ACTR3B: variants seen among roughly 807,000 people sequenced by gnomAD.
The protein encoded by ACTR3B is actin-related protein 3B.
A neutral mutation model predicts 59.0 loss-of-function variants in ACTR3B; 8 were observed. The ratio of observed to expected loss-of-function variants is 0.14; its 90% CI spans 0.08 to 0.24. The LOEUF is 0.24. Among genes scored for constraint, ACTR3B ranks in the 10% least tolerant of loss-of-function variants. The pLI is 1.00. For synonymous variants in ACTR3B, 148 were observed against 197.9 expected (o/e 0.75, Z 2.12); for missense variants, 245 against 552.3 (o/e 0.44, Z 5.58).
At chr7:152,788,667 T>C (rs3107841) in intron 2 of ACTR3B, among the ~76,000 whole-genome samples, 11,854 of 91,120 alleles carry the variant, frequency 0.13, no homozygotes, top group Middle Eastern at 0.33. Context: ...CACCTCAGCT[T>C]CCCAGCGTGC....
intron 9 of ACTR3B, among the ~76,000 whole-genome samples, chr7:152,842,592 T>G (rs971064804): frequency 2.0e-5 from 3 of 152,222 alleles, no homozygotes; most frequent in African/African-American, 7.2e-5. Context: ...CTTCCTTCAC[T>G]CGGTGCTTTT....
At chr7:152,817,647 C>T (rs1795811093) in intron 6 of ACTR3B, among the ~76,000 whole-genome samples, 2 of 152,128 alleles carry the variant, frequency 1.3e-5, no homozygotes, top group Admixed American at 6.5e-5. Context: ...GTCTCCTCCT[C>T]AGGAACCACC....
chr7:152,829,546 A>G (rs540102310), intron 9 of ACTR3B, among the ~76,000 whole-genome samples: 1,704 of 152,280 alleles, frequency 0.011, 15 homozygotes, highest in Non-Finnish European at 0.015. Context: ...CCGCCTCCAG[A>G]AATGACAGGG....
At chr7:152,767,495 C>G (rs1347530454) in intron 1 of ACTR3B, among the ~76,000 whole-genome samples, 1 of 152,140 alleles carries the variant, frequency 6.6e-6, no homozygotes, top group Non-Finnish European at 1.5e-5. Flanking sequence ...TCCAAGTGAT[C>G]TTTGTAATCA....
intron 9 of ACTR3B, among the ~76,000 whole-genome samples, chr7:152,825,957 C>T (rs1257208517): frequency 2.0e-5 from 3 of 152,202 alleles, no homozygotes; most frequent in African/African-American, 7.2e-5. Flanking sequence ...ATCCTACTGA[C>T]AGCCCGAGAT....
chr7:152,800,668 C>T lies in ACTR3B; in HGVS notation c.225+13C>T, dbSNP rs570791028. On this transcript the variant is annotated intron_variant, in intron 3 of 11. Coordinates refer to ENST00000256001, the MANE Select transcript of ACTR3B (RefSeq NM_020445.6). ...ATATGCTACAAAGGTAAATTTCCGA[C>T]AGGTGTTTGCTTCTCTAAGTGTAGA... 1 of 1,612,348 alleles carries T rather than the reference C, an allele frequency of 6.2e-7. No homozygotes were observed. The highest frequency in any genetic ancestry group is 1.3e-5 in the African/African-American group (1 of 74,960).
chr7:152,845,795 C>T (rs528367483), intron 9 of ACTR3B, among the ~76,000 whole-genome samples: 6 of 152,214 alleles, frequency 3.9e-5, no homozygotes, highest in Non-Finnish European at 5.9e-5. Context: ...CCTTAGCCCC[C>T]GCTGAGAGCT....
rs573617162 is a variant in ACTR3B at position 152,816,940 on chromosome 7, G to C, written c.540+352G>C. On this transcript the variant is annotated intron_variant, in intron 6 of 11. Coordinates refer to ENST00000256001, the MANE Select transcript of ACTR3B (RefSeq NM_020445.6). ...TAACATCAACAAGAACATTTTCTGGGGTTATTCCGACATGTTGGGAGATAG... is the reference window on the plus strand; with the variant it reads ...TAACATCAACAAGAACATTTTCTGGCGTTATTCCGACATGTTGGGAGATAG... The C allele has an allele frequency of 1.7e-5, 5 of 292,710 alleles. 1 individual carries two copies. The highest frequency in any genetic ancestry group is 1.1e-4 in the African/African-American group (5 of 44,474). 18.1% of individuals were successfully genotyped at this position (292,710 alleles called of 1,614,324 possible). A position where few individuals can be genotyped will look rare whatever the true frequency, so the allele number is the denominator to read the frequency against.
At position 152,828,643 on chromosome 7, in the gene ACTR3B, C is replaced by T. The variant is rs184655158; in HGVS notation, c.951+3521C>T. Among the ~76,000 whole-genome samples the T allele has an allele frequency of 1.3e-3, 201 of 152,332 alleles. 1 individual carries two copies. The Middle Eastern group carries it at 0.017, about 13-fold the overall frequency. ...GAGCACGCAGTCACCTTTCTCTGGACGGCCGCTCATTCCTGTGTCTTAGGG... is the reference window on the plus strand; with the variant it reads ...GAGCACGCAGTCACCTTTCTCTGGATGGCCGCTCATTCCTGTGTCTTAGGG... On this transcript the variant is annotated intron_variant, in intron 9 of 11. Coordinates refer to ENST00000256001, the MANE Select transcript of ACTR3B (RefSeq NM_020445.6).
At chr7:152,820,209 G>C (rs577791516) in intron 6 of ACTR3B, 90 bp from the exon 7 acceptor site, 17 of 1,563,470 alleles carry the variant, frequency 1.1e-5, no homozygotes, top group Admixed American at 3.5e-5. Context: ...GGGGCAGACA[G>C]GGAGGCTGAG....
intron 9 of ACTR3B, among the ~76,000 whole-genome samples, chr7:152,841,998 A>G (rs570227928): frequency 3.9e-5 from 6 of 152,370 alleles, no homozygotes. Flanking sequence ...GTTAAGGTAC[A>G]GAAGGGAACC....
Position 152,817,468 on chromosome 7 carries a change from A to G in ACTR3B, c.540+880A>G, listed in dbSNP as rs558298824. ...CTGCAATGCCGCTTTTTGGTTTCAG[A>G]GAAGTGATTCCTAATTTGGGTTTCA... On this transcript the variant is annotated intron_variant, in intron 6 of 11. Coordinates refer to ENST00000256001, the MANE Select transcript of ACTR3B (RefSeq NM_020445.6). Among the ~76,000 whole-genome samples, 203 of 152,240 alleles carry G rather than the reference A, an allele frequency of 1.3e-3. 1 individual carries two copies. The highest frequency in any genetic ancestry group is 4.6e-3 in the African/African-American group (192 of 41,554).
At chr7:152,771,164 A>G (rs997077403) in intron 1 of ACTR3B, among the ~76,000 whole-genome samples, 1 of 151,998 alleles carries the variant, frequency 6.6e-6, no homozygotes, top group Non-Finnish European at 1.5e-5. Context: ...GGGTTTCACC[A>G]TGTTGGCCAG....
At chr7:152,846,901 G>A (rs1199034268) in intron 9 of ACTR3B, among the ~76,000 whole-genome samples, 1 of 148,758 alleles carries the variant, frequency 6.7e-6, no homozygotes, top group African/African-American at 2.5e-5. Flanking sequence ...CGCCCGGGCT[G>A]TAGTCTGCAG....
intron 1 of ACTR3B, among the ~76,000 whole-genome samples, chr7:152,761,700 G>A (rs915361538): frequency 6.6e-6 from 1 of 152,152 alleles, no homozygotes; most frequent in African/African-American, 2.4e-5. Context: ...CATATCGAGT[G>A]TATGGCCAGA....
chr7:152,842,796 C>T (rs558455466), intron 9 of ACTR3B, among the ~76,000 whole-genome samples: 1 of 152,266 alleles, frequency 6.6e-6, no homozygotes, highest in South Asian at 2.1e-4. Flanking sequence ...GGGAAGTACC[C>T]AGGAGTGCAG....
At chr7:152,773,138 T>G (rs938416143) in intron 1 of ACTR3B, among the ~76,000 whole-genome samples, 1 of 121,282 alleles carries the variant, frequency 8.2e-6, no homozygotes, top group African/African-American at 3.0e-5. Flanking sequence ...CAAGGAATAG[T>G]ACAAAAGTTA....
intron 1 of ACTR3B, among the ~76,000 whole-genome samples, chr7:152,782,538 C>T (rs1355358750): frequency 2.0e-5 from 3 of 151,956 alleles, no homozygotes; most frequent in African/African-American, 4.8e-5. Context: ...AGAAAATGGG[C>T]TCCTTCTGAA....
chr7:152,760,516 C>T (rs1050320760), intron 1 of ACTR3B, among the ~76,000 whole-genome samples: 16 of 152,192 alleles, frequency 1.1e-4, no homozygotes, highest in African/African-American at 3.9e-4. Flanking sequence ...TTACTGCCCT[C>T]CCTGCGCTTT....
Sources: gnomAD v4.1 joint callset for allele counts (sites outside exome capture counted in the v4.1 genomes callset) on GRCh38, gnomAD v4.1.1 for gene constraint, MANE v1.5 for transcripts, NCBI Gene and HGNC (gene_info 2026-07-23, HGNC 2026-07-21) for gene names.